The following AGAP1 variants were observed in gnomAD, a reference collection of about 807,000 sequenced individuals.
The protein encoded by AGAP1 is arf-GAP with GTPase, ANK repeat and PH domain-containing protein 1.
Under a neutral mutation model 105.3 loss-of-function variants are expected in AGAP1, and 29 were observed. That is an observed-to-expected ratio of 0.28 (90% CI 0.21 to 0.38). AGAP1 has a LOEUF of 0.38. Ranked by LOEUF, AGAP1 falls within the 10% of genes least tolerant of loss-of-function variation. The pLI is 1.00. For synonymous variants in AGAP1, 509 were observed against 485.9 expected, an observed-to-expected ratio of 1.05 and a Z score of -0.63; for missense variants, 998 against 1,165.1, an observed-to-expected ratio of 0.86 and a Z score of 2.09.
intron 12 of AGAP1, among the ~76,000 whole-genome samples, chr2:235,938,561 C>T (rs1278838315): frequency 2.6e-5 from 4 of 152,160 alleles, no homozygotes; most frequent in African/African-American, 9.7e-5. Flanking sequence ...AATTCAGGCT[C>T]AACAAACCAA....
intron 9 of AGAP1, chr2:235,852,803 T>G: frequency 6.6e-7 from 1 of 1,524,836 alleles, no homozygotes; most frequent in Non-Finnish European, 8.8e-7. Context: ...CAGCCCGCAT[T>G]GTGCTGAAGG....
chr2:235,665,390 G>A lies in AGAP1; in HGVS notation c.164-43789G>A, dbSNP rs11694409. Among the ~76,000 whole-genome samples the A allele has an allele frequency of 0.032, 4,846 of 152,180 alleles. 246 individuals are homozygous for A. Among genetic ancestry groups the A allele is most frequent in the African/African-American group, 0.11 (4,362 of 41,490 alleles). On this transcript the variant is annotated intron_variant, in intron 1 of 17. Transcript: ENST00000304032. This position sits in a 1 kb window ranked among gnomAD's most constrained non-coding sequence, Gnocchi z 5.3. ...GTCCTTCCTCCACTAGCAGATAAGG[G>A]TCAAGTCCTCATCTCTTTTACAGTT...
rs6748769 is a variant in AGAP1 at position 235,614,271 on chromosome 2, C to A, written c.164-94908C>A. On this transcript the variant is annotated intron_variant, in intron 1 of 17. Coordinates refer to ENST00000304032, the MANE Select transcript of AGAP1 (RefSeq NM_001037131.3). The surrounding 1 kb of genome is among the most constrained non-coding windows in gnomAD (Gnocchi z 4.7). ...GCAGTGTGGCCAGCGTCACTTAAAGCGGGGAGGTGGCTGGTGCTGGAGCGT... is the reference window on the plus strand; with the variant it reads ...GCAGTGTGGCCAGCGTCACTTAAAGAGGGGAGGTGGCTGGTGCTGGAGCGT... Among the ~76,000 whole-genome samples, 2 of 151,946 alleles carry A rather than the reference C, an allele frequency of 1.3e-5. No homozygotes were observed. Among genetic ancestry groups the A allele is most frequent in the Admixed American group, 6.6e-5 (1 of 15,244 alleles).
In AGAP1 at chr2:235,811,887, G is replaced by A. The variant is rs140453145; in HGVS notation, c.1050+4556G>A. Among the ~76,000 whole-genome samples, 897 of 152,322 alleles carry A rather than the reference G, an allele frequency of 5.9e-3. 6 individuals carry two copies. Among genetic ancestry groups the A allele is most frequent in the Non-Finnish European group, 7.8e-3 (529 of 68,026 alleles). On this transcript the variant is annotated intron_variant, in intron 9 of 17. Coordinates refer to ENST00000304032, the MANE Select transcript of AGAP1 (RefSeq NM_001037131.3). ...AGTTTTGTGTTTATTTGATCACCTG[G>A]CTGATGTTTTGAGAGAACCAGGTCT...
rs1422258946 is a variant in AGAP1, at chr2:235,961,094, A to G, written c.1484-7368A>G. Among the ~76,000 whole-genome samples the G allele has an allele frequency of 2.0e-5, 3 of 152,190 alleles. No individual in the cohort carries two copies. The highest frequency in any genetic ancestry group is 4.4e-5 in the Non-Finnish European group (3 of 68,046). The stretch of plus-strand genomic sequence containing the variant: ...GGAAGGATGTGTGCTGGTGAAGAGG[A>G]TGAGCGAAGGCCTGCCTTCCTGAAG... On this transcript the variant is annotated intron_variant, in intron 12 of 17. Transcript: ENST00000304032. This position sits in a 1 kb window ranked among gnomAD's most constrained non-coding sequence, Gnocchi z 5.9.
In AGAP1 at chr2:236,124,269, A is replaced by G. The variant is rs568962039; in HGVS notation, c.*147A>G. ...CTCCCGCCCACCCACTCTCACCCCA[A>G]ACAAAATCACAAAACCTGGACATCC... On this transcript the variant is annotated 3_prime_UTR_variant, in exon 18 of 18. Coordinates refer to ENST00000304032, the MANE Select transcript of AGAP1 (RefSeq NM_001037131.3). This position sits in a 1 kb window ranked among gnomAD's most constrained non-coding sequence, Gnocchi z 5.1. 7 of 899,282 alleles carry G rather than the reference A, an allele frequency of 7.8e-6. No individual in the cohort carries two copies. The highest frequency in any genetic ancestry group is 3.4e-5 in the South Asian group (2 of 59,110). The allele number at this position is 899,282 out of a possible 1,614,324, so 55.7% of individuals were successfully genotyped here.
chr2:235,759,200 G>C (rs1281995329), intron 6 of AGAP1, among the ~76,000 whole-genome samples: 2 of 131,800 alleles, frequency 1.5e-5, no homozygotes, highest in African/African-American at 2.9e-5. Flanking sequence ...ATGGAGTCTC[G>C]CTCTGTCACC....
At chr2:235,606,318 G>C (rs1574951248) in intron 1 of AGAP1, among the ~76,000 whole-genome samples, 1 of 152,196 alleles carries the variant, frequency 6.6e-6, no homozygotes, top group African/African-American at 2.4e-5. Flanking sequence ...AGCCGATCAT[G>C]TATCTGTTTT....
chr2:235,968,422 ATTTTTT>A, intron 12 of AGAP1, 34 bp from the exon 13 acceptor site: 7 of 1,451,580 alleles, frequency 4.8e-6, no homozygotes, highest in Admixed American at 2.6e-5. Flanking sequence ...CTCACTCTGC[ATTTTTT>A]TTTTTTTTTT....
intron 1 of AGAP1, among the ~76,000 whole-genome samples, chr2:235,514,290 G>A (rs1211831001): frequency 6.6e-6 from 1 of 152,270 alleles, no homozygotes; most frequent in Non-Finnish European, 1.5e-5. Context: ...ACCTGCTTAA[G>A]CCTTTAAATA....
chr2:235,790,583 A>AC (rs535086361), intron 6 of AGAP1, among the ~76,000 whole-genome samples: 112 of 152,168 alleles, frequency 7.4e-4, no homozygotes, highest in African/African-American at 2.7e-3. Context: ...AATTTGAATA[A>AC]CCCCCCATTG....
Position 235,566,166 on chromosome 2 carries a change from A to T in AGAP1, c.163+71317A>T, listed in dbSNP as rs1284313693. On this transcript the variant is annotated intron_variant, in intron 1 of 17. Transcript: ENST00000304032. The surrounding 1 kb of genome is among the most constrained non-coding windows in gnomAD (Gnocchi z 5.2). The stretch of plus-strand genomic sequence containing the variant: ...GAGTGCAGTGGCGCAACCTCGGCTC[A>T]CTGCAACCTCTGCCTCCCGGATTCA... 6.6e-6 allele frequency among the ~76,000 whole-genome samples: 1 copy of T among 152,052 alleles called. No homozygotes were observed. The highest frequency in any genetic ancestry group is 1.5e-5 in the Non-Finnish European group (1 of 68,020).
chr2:235,925,073 T>C (rs139054739), intron 11 of AGAP1, among the ~76,000 whole-genome samples: 25 of 152,146 alleles, frequency 1.6e-4, no homozygotes, highest in African/African-American at 5.8e-4. Context: ...TGGAGAGTAC[T>C]CACCCCCCAA....
intron 1 of AGAP1, among the ~76,000 whole-genome samples, chr2:235,654,665 T>C (rs1027824717): frequency 1.3e-5 from 2 of 152,042 alleles, no homozygotes; most frequent in African/African-American, 4.8e-5. Context: ...TAGTCAGTGG[T>C]CCCCCCGGCC....
chr2:235,561,376 T>G (rs1944146351), intron 1 of AGAP1, among the ~76,000 whole-genome samples: 1 of 152,182 alleles, frequency 6.6e-6, no homozygotes, highest in Non-Finnish European at 1.5e-5. Flanking sequence ...TCCACTGATT[T>G]AGGGGGCGAG....
At chr2:236,116,220 A>G (rs1049406994) in intron 16 of AGAP1, among the ~76,000 whole-genome samples, 1 of 151,122 alleles carries the variant, frequency 6.6e-6, no homozygotes, top group African/African-American at 2.4e-5. Context: ...GGTTCAAGCA[A>G]TTCTCCTATC....
intron 1 of AGAP1, among the ~76,000 whole-genome samples, chr2:235,594,826 G>A (rs1453418561): frequency 1.3e-5 from 2 of 150,832 alleles, no homozygotes; most frequent in East Asian, 3.9e-4. Flanking sequence ...CACCTGCCTC[G>A]GCCTCCCAGA....
rs764508842 is a variant in AGAP1 at position 235,908,927 on chromosome 2, C to A, written c.1324+21C>A. 2 of 1,596,898 alleles carry A rather than the reference C, an allele frequency of 1.3e-6. No homozygotes were observed. Among genetic ancestry groups the A allele is most frequent in the African/African-American group, 2.7e-5 (2 of 74,604 alleles). The stretch of plus-strand genomic sequence containing the variant: ...TTCAGGTAAGCTTACAGCAAATGCA[C>A]TAACAAATCAAGTTCAACAGCAACA... On this transcript the variant is annotated intron_variant, in intron 11 of 17. Coordinates refer to ENST00000304032, the MANE Select transcript of AGAP1 (RefSeq NM_001037131.3). This position sits in a 1 kb window ranked among gnomAD's most constrained non-coding sequence, Gnocchi z 4.4.
At position 235,824,083 on chromosome 2, in the gene AGAP1, T is replaced by C. The variant is rs1297584425; in HGVS notation, c.1050+16752T>C. 2.6e-5 allele frequency among the ~76,000 whole-genome samples: 4 copies of C among 152,368 alleles called. No individual in the cohort carries two copies. The highest frequency in any genetic ancestry group is 1.9e-4 in the East Asian group (1 of 5,192). On this transcript the variant is annotated intron_variant, in intron 9 of 17. Coordinates refer to ENST00000304032, the MANE Select transcript of AGAP1 (RefSeq NM_001037131.3). This position sits in a 1 kb window ranked among gnomAD's most constrained non-coding sequence, Gnocchi z 5.2. ...AGCTCCCAGTATGTAACTTAACTTA[T>C]ATATAACTTAACATTCTGTTTATGT...
Sources: gnomAD v4.1 joint callset for allele counts (sites outside exome capture counted in the v4.1 genomes callset) on GRCh38, gnomAD v4.1.1 for gene constraint, Gnocchi (gnomAD v3.1) non-coding constraint, MANE v1.5 for transcripts, NCBI Gene and HGNC (gene_info 2026-07-23, HGNC 2026-07-21) for gene names.